The following LARP1 variants were observed in gnomAD, a reference collection of about 807,000 sequenced individuals.
The protein encoded by LARP1 is La ribonucleoprotein 1, translational regulator, also known as la-related protein 1.
A neutral mutation model predicts 122.7 loss-of-function variants in LARP1; 36 were observed. The ratio of observed to expected loss-of-function variants is 0.29; its 90% confidence interval spans 0.22 to 0.39. LARP1 has a LOEUF of 0.39. LARP1 is among the 10% of genes least tolerant of loss of function. The pLI, the probability that LARP1 is intolerant of heterozygous loss-of-function variation, is 1.00. For missense variants in LARP1, 1,040 were observed against 1,403.6 expected (o/e 0.74, Z 4.14); for synonymous variants, 539 against 528.7 (o/e 1.02, Z -0.27).
chr5:154,756,572 A>T (rs1349413122), intron 1 of LARP1: 3 of 893,626 alleles, frequency 3.4e-6, no homozygotes, highest in Non-Finnish European at 4.0e-6. Flanking sequence ...CCCTCTTCCC[A>T]CCCCGCCCGG....
At chr5:154,782,406 A>G (rs1323812710) in intron 1 of LARP1, among the ~76,000 whole-genome samples, 2 of 152,130 alleles carry the variant, frequency 1.3e-5, no homozygotes, top group Non-Finnish European at 2.9e-5. Flanking sequence ...TGGTACCAGC[A>G]GTGGGAGTGG....
intron 1 of LARP1, among the ~76,000 whole-genome samples, chr5:154,686,338 A>G (rs1204547350): frequency 6.6e-6 from 1 of 152,182 alleles, no homozygotes; most frequent in Non-Finnish European, 1.5e-5. Flanking sequence ...GTCTGACGGA[A>G]CAGATGGAGT....
chr5:154,793,558 C>A (rs1266338556), intron 4 of LARP1, 37 bp from the exon 5 acceptor site: 1 of 1,613,968 alleles, frequency 6.2e-7, no homozygotes, highest in Non-Finnish European at 8.5e-7. Flanking sequence ...GTGGCCTCTC[C>A]CTCAAGCCTT....
intron 1 of LARP1, among the ~76,000 whole-genome samples, chr5:154,703,663 C>A (rs1049133390): frequency 6.6e-6 from 1 of 152,166 alleles, no homozygotes; most frequent in Non-Finnish European, 1.5e-5. Flanking sequence ...CTCTGTCTCC[C>A]AGGCTGGAGT....
intron 1 of LARP1, among the ~76,000 whole-genome samples, chr5:154,702,031 G>A (rs965479314): frequency 6.6e-6 from 1 of 152,142 alleles, no homozygotes; most frequent in African/African-American, 2.4e-5. Flanking sequence ...ATTGAGTGAT[G>A]GAGACAGGGA....
At chr5:154,786,642 A>G (rs982397894) in intron 1 of LARP1, 5 of 349,164 alleles carry the variant, frequency 1.4e-5, no homozygotes, top group Admixed American at 3.5e-5. Context: ...GAAGTGCTCT[A>G]AGATTACACT....
At chr5:154,800,124 T>C (rs754931960) in intron 10 of LARP1, 82 bp downstream of exon 10, 305 of 1,295,862 alleles carry the variant, frequency 2.4e-4, no homozygotes, top group Non-Finnish European at 3.0e-4. Context: ...GGCACAGCAC[T>C]CTAGCTCTGA....
At chr5:154,784,764 G>A (rs1016420276) in intron 1 of LARP1, among the ~76,000 whole-genome samples, 1 of 152,218 alleles carries the variant, frequency 6.6e-6, no homozygotes, top group Admixed American at 6.5e-5. Flanking sequence ...CCTGTTGGTT[G>A]AACCAAGTTC....
chr5:154,780,396 T>A (rs920383211), intron 1 of LARP1, among the ~76,000 whole-genome samples: 1 of 152,192 alleles, frequency 6.6e-6, no homozygotes, highest in South Asian at 2.1e-4. Context: ...GTATCGGTAA[T>A]TTTGGGGAAC....
chr5:154,765,654 A>G (rs1754884447), intron 1 of LARP1, among the ~76,000 whole-genome samples: 1 of 152,128 alleles, frequency 6.6e-6, no homozygotes, highest in Admixed American at 6.5e-5. Context: ...TCGGTTTCCC[A>G]AAGTGCCAGG....
chr5:154,814,972 T>G lies in LARP1; in HGVS notation c.*876T>G, dbSNP rs1482116963. 6.6e-6 allele frequency: 1 copy of G among 152,322 alleles called. No homozygotes were observed. Among genetic ancestry groups the G allele is most frequent in the Admixed American group, 6.6e-5 (1 of 15,252 alleles). The allele number at this position is 152,322 out of a possible 1,614,324, so 9.4% of individuals were successfully genotyped here. ...AATGTCTTTCCCCTCCCCTTGGAAT[T>G]TTTGTTTTGTTTTTGGAAATAATAT... On this transcript the variant is annotated 3_prime_UTR_variant, in exon 19 of 19. Transcript: ENST00000518297.
At chr5:154,789,148 T>C (rs1757129124) in intron 1 of LARP1, among the ~76,000 whole-genome samples, 1 of 147,310 alleles carries the variant, frequency 6.8e-6, no homozygotes, top group Admixed American at 6.8e-5. Flanking sequence ...GAGGCAGGTG[T>C]TGCAGTGAGC....
intron 10 of LARP1, among the ~76,000 whole-genome samples, chr5:154,800,536 C>T (rs1356190898): frequency 6.6e-6 from 1 of 152,108 alleles, no homozygotes; most frequent in Non-Finnish European, 1.5e-5. Context: ...CTTGGGAAGC[C>T]TGTTCATACC....
chr5:154,705,943 A>G (rs1315204997), intron 1 of LARP1, among the ~76,000 whole-genome samples: 2 of 152,204 alleles, frequency 1.3e-5, no homozygotes, highest in African/African-American at 4.8e-5. Flanking sequence ...CACTATTCAC[A>G]ATAGCAAAGA....
Position 154,794,452 on chromosome 5 carries a change from A to G in LARP1, c.1232+190A>G, listed in dbSNP as rs147005848. 1.2e-3 allele frequency among the ~76,000 whole-genome samples: 182 copies of G among 152,374 alleles called. 2 individuals carry two copies. The highest frequency in any genetic ancestry group is 4.2e-3 in the African/African-American group (173 of 41,590). On this transcript the variant is annotated intron_variant, in intron 7 of 18. Coordinates refer to ENST00000518297, the MANE Select transcript of LARP1 (RefSeq NM_033551.3). ...CATTGTTTATTACAGAAGTGGTACA[A>G]CATTTACCTTAAGAAAGTTAGAAAC... is the stretch of plus-strand genomic sequence containing the variant.
intron 16 of LARP1, among the ~76,000 whole-genome samples, chr5:154,809,552 GTGTAGT>G (rs1343934554): frequency 6.6e-6 from 1 of 152,012 alleles, no homozygotes; most frequent in African/African-American, 2.4e-5. Flanking sequence ...TTGTATGCAT[GTGTAGT>G]TGTAAAATTT....
At chr5:154,719,861 CA>C (rs11291255) in intron 1 of LARP1, among the ~76,000 whole-genome samples, 81,088 of 122,068 alleles carry the variant, frequency 0.66, 25,398 homozygotes, top group African/African-American at 0.81. Context: ...GACTCTGTCT[CA>C]AAAAAAAAAA....
intron 1 of LARP1, among the ~76,000 whole-genome samples, chr5:154,699,702 C>T (rs1754629819): frequency 6.6e-6 from 1 of 152,140 alleles, no homozygotes; most frequent in Non-Finnish European, 1.5e-5. Context: ...ACTGTGTCCA[C>T]AGGAACTCCT....
At position 154,779,008 on chromosome 5, in the gene LARP1, AACCAT is replaced by A. The variant is rs1582384862; in HGVS notation, c.437-11315_437-11311del. On this transcript the variant is annotated intron_variant, in intron 1 of 18. Transcript: ENST00000518297. ...TGAATTGCTATTTGCTAAATCTGGC[AACCAT>A]ATTCTCTCCCCGCTTACCCCACCTT... Among the ~76,000 whole-genome samples the A allele has an allele frequency of 2.6e-5, 4 of 152,140 alleles. No individual in the cohort carries two copies. The East Asian group carries it at 7.7e-4, about 29-fold the overall frequency.
Sources: gnomAD v4.1 joint callset for allele counts (sites outside exome capture counted in the v4.1 genomes callset) on GRCh38, gnomAD v4.1.1 for gene constraint, MANE v1.5 for transcripts, NCBI Gene and HGNC (gene_info 2026-07-23, HGNC 2026-07-21) for gene names.